Variants in MPHOSPH9 observed in about 807,000 individuals in gnomAD.
The protein encoded by MPHOSPH9 is M-phase phosphoprotein 9.
In MPHOSPH9, 88 loss-of-function variants were observed where a neutral mutation model predicts 145.5. The ratio of observed to expected loss-of-function variants is 0.60; its 90% CI spans 0.51 to 0.72. MPHOSPH9 has a LOEUF of 0.72. Among genes scored for constraint, MPHOSPH9 ranks in the 30% least tolerant of loss-of-function variants. The pLI is 0.00. For missense variants in MPHOSPH9, 1,238 were observed against 1,386.6 expected (o/e 0.89, Z 1.70); for synonymous variants, 435 against 486.2 (o/e 0.89, Z 1.39).
intron 7 of MPHOSPH9, among the ~76,000 whole-genome samples, chr12:123,210,635 T>A (rs2046660024): frequency 6.6e-6 from 1 of 152,024 alleles, no homozygotes; most frequent in South Asian, 2.1e-4. Flanking sequence ...GAGGTTGTAG[T>A]GAGCTGAGAT....
rs2044014683 is a variant in MPHOSPH9 at position 123,159,467 on chromosome 12, C to A, written c.3450+1314G>T. On this transcript the variant is annotated intron_variant, in intron 23 of 23. Coordinates refer to ENST00000606320, the MANE Select transcript of MPHOSPH9 (RefSeq NM_022782.4). This position sits in a 1 kb window ranked among gnomAD's most constrained non-coding sequence, Gnocchi z 4.3. Reference sequence around the variant, plus strand: ...CATAAGCCATTGCGCCTGGCCATGGCAGGTTTTTTTTTGTTTTTTTTGTTG... The same window carrying A: ...CATAAGCCATTGCGCCTGGCCATGGAAGGTTTTTTTTTGTTTTTTTTGTTG... Among the ~76,000 whole-genome samples, 1 of 151,990 alleles carries A rather than the reference C, an allele frequency of 6.6e-6. No individual in the cohort carries two copies.
intron 4 of MPHOSPH9, 49 bp downstream of exon 4, chr12:123,222,989 C>A (rs972770538): frequency 5.2e-6 from 5 of 954,460 alleles, no homozygotes; most frequent in Admixed American, 2.6e-5. Flanking sequence ...TGTATATGTA[C>A]GTATGTATAT....
chr12:123,221,881 C>T lies in MPHOSPH9; in HGVS notation c.363G>A (p.Glu121=). 1.3e-6 allele frequency: 2 copies of T among 1,569,250 alleles called. No individual in the cohort carries two copies. Among genetic ancestry groups the T allele is most frequent in the Non-Finnish European group, 1.7e-6 (2 of 1,158,132 alleles). Residue 121 remains glutamate (E), a synonymous_variant, in exon 5 of 24, where the codon GAG becomes GAA. Coordinates refer to ENST00000606320, the MANE Select transcript of MPHOSPH9 (RefSeq NM_022782.4). ...TCTGTAATTTGACTAAATTTTTTATCTCCTCCTGTATATGCTGGAAATAAA... is the reference window on the plus strand; with the variant it reads ...TCTGTAATTTGACTAAATTTTTTATTTCCTCCTGTATATGCTGGAAATAAA... ...FHNQIQHIQE[E]IKNLVKLQTS...
intron 13 of MPHOSPH9, among the ~76,000 whole-genome samples, chr12:123,182,260 T>TTG (rs754491311): frequency 1.4e-4 from 9 of 62,320 alleles, no homozygotes; most frequent in East Asian, 0.016. Flanking sequence ...TTTTTTTTTT[T>TTG]GTTTTTTTTT....
intron 8 of MPHOSPH9, among the ~76,000 whole-genome samples, chr12:123,209,371 G>T (rs1391395044): frequency 6.6e-6 from 1 of 152,080 alleles, no homozygotes; most frequent in African/African-American, 2.4e-5. Context: ...ATTTATACTG[G>T]AGTACTTAGC....
Position 123,221,487 on chromosome 12 carries a change from G to T in MPHOSPH9, c.757C>A (p.Pro253Thr). ...TTTAAAGACACATGACACTCTTCAG[G>T]AGTCTGTATATAAAAATTCTCATTT... The part of the protein sequence containing the change: ...VKNENFYIQT[P>T]EECHVSLKED... Residue 253 changes from proline to threonine, a missense_variant, in exon 5 of 24, where the codon CCT becomes ACT. Physicochemically the swap from Pro to Thr is conservative, Grantham distance 38 (BLOSUM62 -1). This residue lies in a region of MPHOSPH9 where 837 missense variants were observed against 897.5 expected (regional missense o/e 0.93). Transcript: ENST00000606320. 6.2e-7 allele frequency: 1 copy of T among 1,614,036 alleles called. No individual in the cohort carries two copies. The highest frequency in any genetic ancestry group is 8.5e-7 in the Non-Finnish European group (1 of 1,179,958).
chr12:123,183,881 G>A (rs2045316603), intron 13 of MPHOSPH9, among the ~76,000 whole-genome samples: 1 of 152,142 alleles, frequency 6.6e-6, no homozygotes, highest in South Asian at 2.1e-4. Context: ...TAATAGTGGA[G>A]TGGGAGGCAG....
At position 123,221,774 on chromosome 12, in the gene MPHOSPH9, G is replaced by GA. The variant is rs756670323; in HGVS notation, c.469dup (p.Ser157PhefsTer5). 5.6e-6 allele frequency: 9 copies of GA among 1,613,120 alleles called. No individual in the cohort carries two copies. Among genetic ancestry groups the GA allele is most frequent in the Middle Eastern group, 1.6e-4 (1 of 6,082 alleles). On this transcript the variant is annotated frameshift_variant, in exon 5 of 24. Transcript: ENST00000606320. LOFTEE classifies it high-confidence loss of function. ...AGATTCATTTCTCTCACTGCTTAGA[G>GA]AAAAAAAACCCATTTGACTTTCCGA...
intron 13 of MPHOSPH9, among the ~76,000 whole-genome samples, chr12:123,190,391 C>T (rs2045627645): frequency 6.6e-6 from 1 of 152,074 alleles, no homozygotes; most frequent in East Asian, 1.9e-4. Context: ...TGACTCTGAT[C>T]CACCTGCCTT....
Position 123,221,852 on chromosome 12 carries a change from C to G in MPHOSPH9, c.392G>C (p.Ser131Thr). The G allele has an allele frequency of 6.2e-7, 1 of 1,602,788 alleles. No individual in the cohort carries two copies. The highest frequency in any genetic ancestry group is 8.5e-7 in the Non-Finnish European group (1 of 1,176,258). The change falls in exon 5 of 24, where the codon AGT becomes ACT. Residue 131 changes from serine to threonine, a missense_variant. Ser to Thr is a moderately conservative substitution (Grantham distance 58). Transcript: ENST00000606320. Reference sequence around the variant, plus strand: ...TTCACAGGAAGCTAAGGAAGCACTACTAGTCTGTAATTTGACTAAATTTTT... The same window carrying G: ...TTCACAGGAAGCTAAGGAAGCACTAGTAGTCTGTAATTTGACTAAATTTTT... Reference protein sequence around the residue: ...EIKNLVKLQTSSASLASCEGN... With the variant: ...EIKNLVKLQTTSASLASCEGN...
chr12:123,201,227 T>TA (rs1333621371), intron 11 of MPHOSPH9, among the ~76,000 whole-genome samples: 15 of 110,180 alleles, frequency 1.4e-4, no homozygotes, highest in African/African-American at 3.8e-4. Flanking sequence ...CTTTGAAAGT[T>TA]AAACTGTTTT....
chr12:123,243,636 C>T (rs1336359811), intron 1 of MPHOSPH9, among the ~76,000 whole-genome samples: 1 of 151,904 alleles, frequency 6.6e-6, no homozygotes, highest in African/African-American at 2.4e-5. Flanking sequence ...ACCCAGGAGG[C>T]GGAGGTTGCA....
In MPHOSPH9 at chr12:123,221,561, T is replaced by C. The variant is rs369403361; in HGVS notation, c.683A>G (p.Gln228Arg). ...FMEHIDVPKG[Q>R]YVAPAVPAES... ...AGCCGGCACCGCAGGTGCTACATAC[T>C]GTCCTTTGGGAACATCTATGTGCTC... The change falls in exon 5 of 24, where the codon CAG becomes CGG. Residue 228 changes from glutamine (Q) to arginine (R), a missense_variant. Around this residue, in one of 3 missense-constraint regions of MPHOSPH9, gnomAD observed 837 missense variants for 897.5 expected, o/e 0.93. Coordinates refer to ENST00000606320, the MANE Select transcript of MPHOSPH9 (RefSeq NM_022782.4). The C allele has an allele frequency of 1.9e-6, 3 of 1,614,092 alleles. No individual in the cohort carries two copies. The highest frequency in any genetic ancestry group is 1.6e-4 in the Middle Eastern group (1 of 6,084).
chr12:123,161,351 G>A lies in MPHOSPH9; in HGVS notation c.3166C>T (p.His1056Tyr). ...TCAGGGCAAGAGCTATGATTAACAT[G>A]GTTATCGGTGGCTTTCTCAGAATAA... is the stretch of plus-strand genomic sequence containing the variant. The part of the protein sequence containing the change: ...KTYSEKATDN[H>Y]VNHSSCPEPV... The change falls in exon 22 of 24, where the codon CAT (histidine) becomes TAT (tyrosine). Residue 1056 changes from histidine (H) to tyrosine (Y), a missense_variant. His to Tyr is a moderately conservative substitution (Grantham distance 83). Around this residue, in one of 3 missense-constraint regions of MPHOSPH9, gnomAD observed 393 missense variants for 462.5 expected, o/e 0.85. Coordinates refer to ENST00000606320, the MANE Select transcript of MPHOSPH9 (RefSeq NM_022782.4). The A allele has an allele frequency of 6.2e-7, 1 of 1,613,952 alleles. No homozygotes were observed. Among genetic ancestry groups the A allele is most frequent in the Non-Finnish European group, 8.5e-7 (1 of 1,179,944 alleles).
intron 8 of MPHOSPH9, among the ~76,000 whole-genome samples, chr12:123,208,876 T>G (rs1349510225): frequency 2.6e-5 from 4 of 152,026 alleles, no homozygotes; most frequent in African/African-American, 9.7e-5. Flanking sequence ...TAAACTATGA[T>G]GCCCAGCTCA....
chr12:123,160,084 TGGTCTCGAACTCCTGACCTCA>T (rs1446920590), intron 23 of MPHOSPH9: 1 of 152,252 alleles, frequency 6.6e-6, no homozygotes, highest in African/African-American at 2.4e-5. Context: ...TGGGCCAGGC[TGGTCTCGAACTCCTGACCTCA>T]GGTGACCCGC....
At chr12:123,220,427 G>T (rs1256287590) in intron 5 of MPHOSPH9, among the ~76,000 whole-genome samples, 1 of 151,686 alleles carries the variant, frequency 6.6e-6, no homozygotes, top group Non-Finnish European at 1.5e-5. Context: ...AGCCGGGTGT[G>T]GTGGCCCACA....
chr12:123,190,320 T>C (rs777866375), intron 13 of MPHOSPH9, among the ~76,000 whole-genome samples: 1 of 151,928 alleles, frequency 6.6e-6, no homozygotes, highest in Non-Finnish European at 1.5e-5. Context: ...GCCCAACTAA[T>C]TTTTTGTATT....
At chr12:123,164,712 C>T (rs2044239903) in intron 18 of MPHOSPH9, among the ~76,000 whole-genome samples, 1 of 152,100 alleles carries the variant, frequency 6.6e-6, no homozygotes, top group Non-Finnish European at 1.5e-5. Flanking sequence ...AGGCCAGGAG[C>T]AGTGGTTCAC....
Sources: gnomAD v4.1 joint callset for allele counts (sites outside exome capture counted in the v4.1 genomes callset) on GRCh38, gnomAD v4.1.1 for gene constraint, gnomAD v4.1.1 regional missense constraint, Gnocchi (gnomAD v3.1) non-coding constraint, MANE v1.5 for transcripts, NCBI Gene and HGNC (gene_info 2026-07-23, HGNC 2026-07-21) for gene names.